The following C9orf85 variants were observed in gnomAD, a reference collection of about 807,000 sequenced individuals.
The protein encoded by C9orf85 is uncharacterized protein C9orf85.
A neutral mutation model predicts 14.9 loss-of-function variants in C9orf85; 16 were observed. The observed-to-expected ratio is 1.08, with a 90% CI of 0.73 to 1.63. The LOEUF is 1.63. Ranked by LOEUF, C9orf85 falls within the 40% of genes most tolerant of loss-of-function variation. The pLI is 0.00. For synonymous variants in C9orf85, 45 were observed against 56.8 expected (o/e 0.79, Z 0.93); for missense variants, 172 against 186.1 (o/e 0.92, Z 0.44).
intron 2 of C9orf85, among the ~76,000 whole-genome samples, 158 bp from the exon 3 acceptor site, chr9:71,971,347 A>G (rs1455082779): frequency 6.6e-6 from 1 of 152,216 alleles, no homozygotes; most frequent in East Asian, 1.9e-4. Flanking sequence ...TAGAAATGTG[A>G]TATAATTAAT....
At chr9:71,942,646 T>TG (rs1305218667) in intron 1 of C9orf85, among the ~76,000 whole-genome samples, 1 of 152,228 alleles carries the variant, frequency 6.6e-6, no homozygotes, top group Non-Finnish European at 1.5e-5. Flanking sequence ...CTCACACCTG[T>TG]AATCCAAGCA....
intron 1 of C9orf85, among the ~76,000 whole-genome samples, chr9:71,917,796 A>G (rs1768443557): frequency 6.6e-6 from 1 of 152,230 alleles, no homozygotes; most frequent in Non-Finnish European, 1.5e-5. Context: ...AAGAGCAAAT[A>G]TATTAAAACT....
At position 71,937,437 on chromosome 9, in the gene C9orf85, ATCAGAACTCATTTTATAT is replaced by A. The variant is rs538547448; in HGVS notation, c.103-9564_103-9547del. Among the ~76,000 whole-genome samples the A allele has an allele frequency of 2.3e-3, 355 of 152,318 alleles. 1 individual carries two copies. The highest frequency in any genetic ancestry group is 2.4e-3 in the Non-Finnish European group (162 of 68,032). ...AAAGAATGGTTCTCTGTTTGGGATG[ATCAGAACTCATTTTATAT>A]TCAGTCTTTGGATAAAAATGTGATT... is the stretch of plus-strand genomic sequence containing the variant. On this transcript the variant is annotated intron_variant, in intron 1 of 3. Transcript: ENST00000334731.
At chr9:71,925,120 A>T (rs1827899611) in intron 1 of C9orf85, among the ~76,000 whole-genome samples, 2 of 152,182 alleles carry the variant, frequency 1.3e-5, no homozygotes, top group South Asian at 2.1e-4. Context: ...GTCTCTAGGG[A>T]CACATTTATT....
At chr9:71,939,327 CAA>C (rs1828274315) in intron 1 of C9orf85, among the ~76,000 whole-genome samples, 1 of 151,686 alleles carries the variant, frequency 6.6e-6, no homozygotes, top group African/African-American at 2.4e-5. Flanking sequence ...AAACCAAAAC[CAA>C]AGACATTGGA....
intron 1 of C9orf85, among the ~76,000 whole-genome samples, chr9:71,921,286 C>T (rs959470945): frequency 1.3e-5 from 2 of 152,192 alleles, no homozygotes; most frequent in African/African-American, 4.8e-5. Context: ...TTTTAAGAGA[C>T]ATTCACTGGC....
rs12005986 is a variant in C9orf85, at chr9:71,928,223, G to T, written c.102+16387G>T. Reference sequence around the variant, plus strand: ...AAAAAAAAAAAAAAAAAAGGCAATGGCTTATGTGAATATCTGCACGAGCTG... The same window carrying T: ...AAAAAAAAAAAAAAAAAAGGCAATGTCTTATGTGAATATCTGCACGAGCTG... On this transcript the variant is annotated intron_variant, in intron 1 of 3. Transcript: ENST00000334731. Among the ~76,000 whole-genome samples, 248 of 146,364 alleles carry T rather than the reference G, an allele frequency of 1.7e-3. 3 individuals carry two copies. Among genetic ancestry groups the T allele is most frequent in the African/African-American group, 6.2e-3 (240 of 38,916 alleles).
chr9:71,947,213 T>C lies in C9orf85; in HGVS notation c.209+101T>C. On this transcript the variant is annotated intron_variant, in intron 2 of 3. Coordinates refer to ENST00000334731, the MANE Select transcript of C9orf85 (RefSeq NM_182505.5). The stretch of plus-strand genomic sequence containing the variant: ...AATTGTGTCCAAATAAATGTTAAAG[T>C]AAATGATGAAAAAATTCCATTCTCC... 5 of 776,856 alleles carry C rather than the reference T, an allele frequency of 6.4e-6. No homozygotes were observed. The Admixed American group carries it at 9.2e-5, about 14-fold the overall frequency. The allele number at this position is 776,856 out of a possible 1,614,324, so 48.1% of individuals were successfully genotyped here.
chr9:71,971,033 G>T (rs542031159), intron 2 of C9orf85, among the ~76,000 whole-genome samples: 1 of 151,956 alleles, frequency 6.6e-6, no homozygotes, highest in Non-Finnish European at 1.5e-5. Context: ...GGGATTACAG[G>T]CCTGAGCACT....
In C9orf85 at chr9:71,972,766, G is replaced by A. The variant is rs560770351; in HGVS notation, c.398G>A (p.Arg133Lys). 4 of 1,610,246 alleles carry A rather than the reference G, an allele frequency of 2.5e-6. No individual in the cohort carries two copies. In the Admixed American group the frequency reaches 5.0e-5, roughly 20 times the overall value. ...LSSNHRRSCR[R>K]NEESDDDLDF... Reference sequence around the variant, plus strand: ...TCCAACCATAGAAGAAGCTGCAGAAGAAATGAAGAAAGTGATGATGATTTA... The same window carrying A: ...TCCAACCATAGAAGAAGCTGCAGAAAAAATGAAGAAAGTGATGATGATTTA... Residue 133 changes from arginine to lysine, a missense_variant, in exon 4 of 4, where the codon AGA becomes AAA. Transcript: ENST00000334731.
At chr9:71,950,297 C>T (rs1359106597) in intron 2 of C9orf85, among the ~76,000 whole-genome samples, 1 of 152,144 alleles carries the variant, frequency 6.6e-6, no homozygotes, top group Non-Finnish European at 1.5e-5. Flanking sequence ...ATGTTTTGTT[C>T]AAGCTAATCA....
intron 2 of C9orf85, among the ~76,000 whole-genome samples, chr9:71,968,510 TGA>T (rs1365213614): frequency 6.6e-6 from 1 of 152,182 alleles, no homozygotes; most frequent in Non-Finnish European, 1.5e-5. Context: ...TCTTCTTCAG[TGA>T]GTTTTGATAT....
intron 1 of C9orf85, among the ~76,000 whole-genome samples, chr9:71,920,642 G>A (rs1827773406): frequency 6.6e-6 from 1 of 152,160 alleles, no homozygotes. Context: ...CAGGTATACA[G>A]TGAATCCTGC....
intron 2 of C9orf85, among the ~76,000 whole-genome samples, chr9:71,962,681 C>T (rs1430399435): frequency 6.6e-6 from 1 of 152,182 alleles, no homozygotes; most frequent in African/African-American, 2.4e-5. Flanking sequence ...CAAAGGGAAA[C>T]CCTAAGAAGA....
chr9:71,916,400 T>C (rs1031182948), intron 1 of C9orf85, among the ~76,000 whole-genome samples: 1 of 152,034 alleles, frequency 6.6e-6, no homozygotes, highest in Non-Finnish European at 1.5e-5. Context: ...TCAAATCACT[T>C]TGGAAATACT....
chr9:71,975,525 G>C (rs542039469), downstream of C9orf85, among the ~76,000 whole-genome samples: 23 of 151,272 alleles, frequency 1.5e-4, no homozygotes, highest in Non-Finnish European at 2.9e-4. Context: ...TAAACATATA[G>C]CCTGACTGAA....
intron 1 of C9orf85, among the ~76,000 whole-genome samples, chr9:71,926,862 G>T (rs889790784): frequency 6.6e-6 from 1 of 151,874 alleles, no homozygotes; most frequent in African/African-American, 2.4e-5. Context: ...TAAGAAAGCT[G>T]CTCTGTCTAA....
At chr9:71,924,297 A>G (rs1827882720) in intron 1 of C9orf85, among the ~76,000 whole-genome samples, 1 of 152,192 alleles carries the variant, frequency 6.6e-6, no homozygotes, top group Non-Finnish European at 1.5e-5. Context: ...TTAGAACTTT[A>G]TGGCAAACAT....
At position 71,972,506 on chromosome 9, in the gene C9orf85, G is replaced by A. The variant is rs148690694; in HGVS notation, c.324-186G>A. Among the ~76,000 whole-genome samples the A allele has an allele frequency of 7.2e-5, 11 of 152,306 alleles. No individual in the cohort carries two copies. In the East Asian group the frequency reaches 7.7e-4, roughly 11 times the overall value. ...ACCCCTGGCCTCAGGTGATCTGCAC[G>A]CCTTGGTCTCCCAAAGTGCTGGGAT... On this transcript the variant is annotated intron_variant, in intron 3 of 3. Coordinates refer to ENST00000334731, the MANE Select transcript of C9orf85 (RefSeq NM_182505.5).
Sources: gnomAD v4.1 joint callset for allele counts (sites outside exome capture counted in the v4.1 genomes callset) on GRCh38, gnomAD v4.1.1 for gene constraint, MANE v1.5 for transcripts, NCBI Gene and HGNC (gene_info 2026-07-23, HGNC 2026-07-21) for gene names.